KLF12: variants seen among roughly 807,000 people sequenced by gnomAD.
KLF12 encodes the protein Krueppel-like factor 12.
KLF12 carries 9 observed loss-of-function variants against 37.8 expected under a neutral mutation model. That is an observed-to-expected ratio of 0.24 (90% confidence interval 0.14 to 0.42). The LOEUF (loss-of-function observed/expected upper bound fraction) is 0.42. KLF12 is among the 10% of genes least tolerant of loss of function. KLF12 has a pLI of 1.00. For missense variants in KLF12, 411 were observed against 516.0 expected, an observed-to-expected ratio of 0.80 and a Z score of 1.97; for synonymous variants, 208 against 202.1, an observed-to-expected ratio of 1.03 and a Z score of -0.25.
chr13:74,121,681 C>G (rs528272410), intron 1 of KLF12, among the ~76,000 whole-genome samples: 1 of 152,014 alleles, frequency 6.6e-6, no homozygotes, highest in African/African-American at 2.4e-5. Context: ...AATGCAATCC[C>G]AATTAAAATC....
chr13:73,938,407 C>T (rs993209161), intron 3 of KLF12, among the ~76,000 whole-genome samples: 3 of 152,138 alleles, frequency 2.0e-5, no homozygotes, highest in East Asian at 3.9e-4. Context: ...TACCTGCACC[C>T]GTCTATATTT....
the KLF12 span, chr13:74,259,589 G>A: frequency 6.6e-6 from 1 of 152,074 alleles, no homozygotes; most frequent in Non-Finnish European, 1.5e-5. Context: ...CCCTCTTAAG[G>A]TTTTTTCTTT....
the KLF12 span, among the ~76,000 whole-genome samples, chr13:74,166,182 T>C: frequency 6.7e-6 from 1 of 149,976 alleles, no homozygotes; most frequent in Non-Finnish European, 1.5e-5. Context: ...AGCCTTGACT[T>C]CCCAGGCTCA....
chr13:73,828,573 T>C (rs899362140), intron 4 of KLF12, among the ~76,000 whole-genome samples: 2 of 152,150 alleles, frequency 1.3e-5, no homozygotes, highest in Admixed American at 6.5e-5. Context: ...CACACCACCC[T>C]GCTCAGGCTC....
At chr13:74,168,176 G>T in the KLF12 span, among the ~76,000 whole-genome samples, 1 of 152,192 alleles carries the variant, frequency 6.6e-6, no homozygotes, top group African/African-American at 2.4e-5. Context: ...CTTTGAAACG[G>T]TGGCTGTTTG....
chr13:74,073,997 A>G (rs148598885), intron 1 of KLF12, among the ~76,000 whole-genome samples: 281 of 152,332 alleles, frequency 1.8e-3, no homozygotes, highest in African/African-American at 4.4e-3. Context: ...AGAAATATAC[A>G]TAACCCAGCA....
intron 1 of KLF12, among the ~76,000 whole-genome samples, chr13:74,002,693 CG>C (rs1486083070): frequency 6.6e-5 from 10 of 152,162 alleles, no homozygotes; most frequent in African/African-American, 2.4e-4. Context: ...GAATCAAAAA[CG>C]ACTCCTTTAA....
At chr13:74,242,762 G>A in the KLF12 span, among the ~76,000 whole-genome samples, 5 of 152,138 alleles carry the variant, frequency 3.3e-5, no homozygotes, top group Admixed American at 6.5e-5. Context: ...GAAAGAAGGC[G>A]TGGCCCTATT....
At chr13:73,717,086 T>C (rs1875873665) in intron 6 of KLF12, among the ~76,000 whole-genome samples, 1 of 152,250 alleles carries the variant, frequency 6.6e-6, no homozygotes, top group Non-Finnish European at 1.5e-5. Context: ...ATGTTGTAGC[T>C]AATCAATTCT....
chr13:73,958,091 G>C (rs773015745), intron 2 of KLF12, among the ~76,000 whole-genome samples: 14 of 152,170 alleles, frequency 9.2e-5, no homozygotes, highest in Non-Finnish European at 1.6e-4. Flanking sequence ...CTACTGAGCA[G>C]CTGAGACATG....
chr13:73,953,970 C>CTTTTTTTTTTTTTTTTTTTT (rs67945624), intron 2 of KLF12, among the ~76,000 whole-genome samples: 1 of 88,534 alleles, frequency 1.1e-5, no homozygotes. Flanking sequence ...TTTTTTCTTT[C>CTTTTTTTTTTTTTTTTTTTT]TTTTTTTTTT....
the KLF12 span, among the ~76,000 whole-genome samples, chr13:74,149,617 T>C: frequency 2.0e-5 from 3 of 152,160 alleles, no homozygotes; most frequent in Non-Finnish European, 4.4e-5. Context: ...CTTTCCTCCT[T>C]ATGGACTCTT....
intron 1 of KLF12, among the ~76,000 whole-genome samples, chr13:74,044,905 G>C (rs568272574): frequency 6.6e-6 from 1 of 150,688 alleles, no homozygotes; most frequent in African/African-American, 2.4e-5. Context: ...AAAACAAATT[G>C]GGCAACAAAA....
At chr13:73,871,059 G>A (rs1450102644) in intron 3 of KLF12, among the ~76,000 whole-genome samples, 1 of 152,206 alleles carries the variant, frequency 6.6e-6, no homozygotes, top group African/African-American at 2.4e-5. Context: ...GAAGCATCAA[G>A]CTCCTCAACA....
At chr13:74,222,196 G>A in the KLF12 span, among the ~76,000 whole-genome samples, 14 of 152,198 alleles carry the variant, frequency 9.2e-5, 1 homozygote, top group Non-Finnish European at 2.1e-4. Flanking sequence ...AATGTGGTTA[G>A]CCTCTTGGGG....
intron 2 of KLF12, among the ~76,000 whole-genome samples, chr13:73,956,772 A>G (rs1890847602): frequency 6.6e-6 from 1 of 151,790 alleles, no homozygotes; most frequent in African/African-American, 2.4e-5. Context: ...AATAACAATA[A>G]AAAAAACTAG....
At chr13:74,084,993 G>C (rs973906464) in intron 1 of KLF12, among the ~76,000 whole-genome samples, 4 of 152,022 alleles carry the variant, frequency 2.6e-5, no homozygotes, top group African/African-American at 9.7e-5. Flanking sequence ...TACATAAACA[G>C]TAGAGCTTAT....
chr13:73,818,822 T>C (rs1052377695), intron 4 of KLF12, among the ~76,000 whole-genome samples: 3 of 152,208 alleles, frequency 2.0e-5, no homozygotes, highest in Admixed American at 2.0e-4. Context: ...GCCACAGGGC[T>C]GATGGACCTC....
At chr13:74,114,293 G>A (rs944473306) in intron 1 of KLF12, among the ~76,000 whole-genome samples, 18 of 152,088 alleles carry the variant, frequency 1.2e-4, no homozygotes, top group African/African-American at 3.6e-4. Context: ...TCAAAAGAAT[G>A]TTAGCATTTT....
Sources: gnomAD v4.1 joint callset for allele counts (sites outside exome capture counted in the v4.1 genomes callset) on GRCh38, gnomAD v4.1.1 for gene constraint, MANE v1.5 for transcripts, NCBI Gene and HGNC (gene_info 2026-07-23, HGNC 2026-07-21) for gene names.